Variants in PRDM1 observed in about 807,000 individuals in gnomAD.
PRDM1 encodes PR domain zinc finger protein 1.
PRDM1 carries 13 observed loss-of-function variants against 62.8 expected under a neutral mutation model. The ratio of observed to expected loss-of-function variants is 0.21; its 90% CI spans 0.13 to 0.33. The LOEUF (loss-of-function observed/expected upper bound fraction) is 0.33, where lower values mean the gene tolerates loss of function less well. PRDM1 is among the 10% of genes least tolerant of loss of function. PRDM1 has a pLI of 1.00. For missense variants in PRDM1, 895 were observed against 1,058.8 expected (o/e 0.85, Z 2.15); for synonymous variants, 396 against 417.6 (o/e 0.95, Z 0.63).
chr6:106,105,090 G>C lies in PRDM1; in HGVS notation c.930G>C (p.Leu310Phe). 6.2e-7 allele frequency: 1 copy of C among 1,614,054 alleles called. No homozygotes were observed. The change falls in exon 5 of 7, where the codon TTG (leucine) becomes TTC (phenylalanine). Residue 310 changes from leucine to phenylalanine, a missense_variant. Transcript: ENST00000369096. ...GGGCCCCTCTGCCAGAAGACTTTTTGAAAGCTTCCCTGGCCTACGGGATCG... is the reference window on the plus strand; with the variant it reads ...GGGCCCCTCTGCCAGAAGACTTTTTCAAAGCTTCCCTGGCCTACGGGATCG... ...PIRAPLPEDF[L>F]KASLAYGIER...
At chr6:105,998,318 G>A (rs1008434921) in intron 1 of PRDM1, among the ~76,000 whole-genome samples, 2 of 152,162 alleles carry the variant, frequency 1.3e-5, no homozygotes, top group Non-Finnish European at 2.9e-5. Context: ...TTGGGAGGCT[G>A]AAGCAGGAGG....
chr6:106,094,909 AC>A (rs1774053751), intron 2 of PRDM1, among the ~76,000 whole-genome samples: 1 of 48,918 alleles, frequency 2.0e-5, no homozygotes, highest in Non-Finnish European at 7.4e-5. Flanking sequence ...TCTTTAAAAC[AC>A]ACACACACAC....
chr6:106,041,741 T>C (rs984428874), intron 1 of PRDM1, among the ~76,000 whole-genome samples: 4 of 151,804 alleles, frequency 2.6e-5, no homozygotes, highest in Admixed American at 2.0e-4. Flanking sequence ...CATCCATAAT[T>C]CCTCCACTTA....
At chr6:106,088,057 G>T in intron 1 of PRDM1, 144 bp from the exon 2 acceptor site, 1 of 855,918 alleles carries the variant, frequency 1.2e-6, no homozygotes, top group Non-Finnish European at 1.6e-6. Flanking sequence ...ACTTTATACG[G>T]CTTCTTGGCT....
intron 2 of PRDM1, 60 bp downstream of exon 2, chr6:106,088,509 C>A: frequency 6.3e-7 from 1 of 1,593,794 alleles, no homozygotes; most frequent in Non-Finnish European, 8.6e-7. Context: ...TCCCTACTTG[C>A]CCTTGAGGCC....
intron 3 of PRDM1, chr6:106,099,087 TG>T: frequency 6.2e-7 from 1 of 1,614,166 alleles, no homozygotes; most frequent in Non-Finnish European, 8.5e-7. Context: ...AAAACTGAAA[TG>T]GAAAAGGTAA....
chr6:106,102,723 C>A (rs1383216448), intron 4 of PRDM1, among the ~76,000 whole-genome samples: 1 of 152,066 alleles, frequency 6.6e-6, no homozygotes, highest in Non-Finnish European at 1.5e-5. Flanking sequence ...AATTATAGAA[C>A]CAAGGGAGTG....
At chr6:106,014,260 G>C (rs1360107840) in intron 1 of PRDM1, among the ~76,000 whole-genome samples, 1 of 151,386 alleles carries the variant, frequency 6.6e-6, no homozygotes, top group Non-Finnish European at 1.5e-5. Context: ...GGGTCTCCCT[G>C]TGTTGCCCAG....
rs1045304183 is a variant in PRDM1, at chr6:106,108,469, G to A, written c.*983G>A. On this transcript the variant is annotated 3_prime_UTR_variant, in exon 7 of 7. Coordinates refer to ENST00000369096, the MANE Select transcript of PRDM1 (RefSeq NM_001198.4). ...CCAAAGCATAGGTGGCTTTGTGTGT[G>A]TGCGATTTGGGGGCTTGAGTCTGGG... The A allele has an allele frequency of 3.9e-5, 9 of 229,080 alleles. No homozygotes were observed. Among genetic ancestry groups the A allele is most frequent in the African/African-American group, 1.4e-4 (6 of 43,890 alleles). 14.2% of individuals were successfully genotyped at this position (229,080 alleles called of 1,614,324 possible).
chr6:106,108,319 C>G lies in PRDM1; in HGVS notation c.*833C>G, dbSNP rs935944428. ...CCAAAAGAGCAGAATCCTCCCACCG[C>G]CCTGCCCTCCCCACCGAGTCCTGTG... On this transcript the variant is annotated 3_prime_UTR_variant, in exon 7 of 7. Transcript: ENST00000369096. The G allele has an allele frequency of 1.3e-5, 3 of 233,516 alleles. No individual in the cohort carries two copies. The highest frequency in any genetic ancestry group is 6.6e-5 in the African/African-American group (3 of 45,286). 14.5% of individuals were successfully genotyped at this position (233,516 alleles called of 1,614,324 possible).
At chr6:106,080,981 C>T (rs1773685379) in intron 1 of PRDM1, among the ~76,000 whole-genome samples, 1 of 152,206 alleles carries the variant, frequency 6.6e-6, no homozygotes, top group Non-Finnish European at 1.5e-5. Context: ...ACAGATAAGC[C>T]AGGGCTGATG....
At chr6:106,085,016 A>G (rs1257973810), upstream of PRDM1, among the ~76,000 whole-genome samples, 1 of 152,204 alleles carries the variant, frequency 6.6e-6, no homozygotes, top group Non-Finnish European at 1.5e-5. Context: ...AAAAAATTCT[A>G]GAAAAGTTTT....
chr6:106,078,186 A>C (rs1773633287), intron 1 of PRDM1: 1 of 152,128 alleles, frequency 6.6e-6, no homozygotes. Context: ...GTAAATTTGT[A>C]TTTCTAGTCC....
chr6:106,105,086 T>C lies in PRDM1; in HGVS notation c.926T>C (p.Phe309Ser), dbSNP rs1774416463. Reference sequence around the variant, plus strand: ...ATCCGGGCCCCTCTGCCAGAAGACTTTTTGAAAGCTTCCCTGGCCTACGGG... The same window carrying C: ...ATCCGGGCCCCTCTGCCAGAAGACTCTTTGAAAGCTTCCCTGGCCTACGGG... The part of the protein sequence containing the change: ...YPIRAPLPED[F>S]LKASLAYGIE... Residue 309 changes from phenylalanine (F) to serine (S), a missense_variant, in exon 5 of 7, where the codon TTT becomes TCT. Around this residue, in one of 4 missense-constraint regions of PRDM1, gnomAD observed 444 missense variants for 422.7 expected, o/e 1.05. Coordinates refer to ENST00000369096, the MANE Select transcript of PRDM1 (RefSeq NM_001198.4). 1.2e-6 allele frequency: 2 copies of C among 1,614,062 alleles called. No homozygotes were observed. The highest frequency in any genetic ancestry group is 1.7e-5 in the Admixed American group (1 of 60,012).
intron 1 of PRDM1, among the ~76,000 whole-genome samples, chr6:106,014,627 T>C (rs887503347): frequency 1.3e-5 from 2 of 150,906 alleles, no homozygotes; most frequent in African/African-American, 4.8e-5. Flanking sequence ...AATAAAACGA[T>C]GATAGATAAT....
intron 1 of PRDM1, among the ~76,000 whole-genome samples, chr6:106,019,446 T>C (rs1393695678): frequency 6.8e-6 from 1 of 147,522 alleles, no homozygotes; most frequent in Non-Finnish European, 1.5e-5. Flanking sequence ...TCCCTATAAT[T>C]AAAAAAAAAA....
At chr6:106,040,523 A>G (rs1293825860) in intron 1 of PRDM1, among the ~76,000 whole-genome samples, 7 of 152,238 alleles carry the variant, frequency 4.6e-5, no homozygotes, top group Non-Finnish European at 1.0e-4. Flanking sequence ...TCAGTGATTA[A>G]GAATCCTGGC....
chr6:106,100,860 T>C (rs944218033), intron 4 of PRDM1, among the ~76,000 whole-genome samples: 2 of 152,102 alleles, frequency 1.3e-5, no homozygotes, highest in Non-Finnish European at 2.9e-5. Flanking sequence ...GGCTCTCAGT[T>C]CCCCAGTTCC....
chr6:106,080,183 G>C (rs149298554), intron 1 of PRDM1, among the ~76,000 whole-genome samples: 4 of 152,308 alleles, frequency 2.6e-5, no homozygotes, highest in African/African-American at 7.2e-5. Context: ...AGCTACAAAT[G>C]AATCAGTGAG....
Sources: gnomAD v4.1 joint callset for allele counts (sites outside exome capture counted in the v4.1 genomes callset) on GRCh38, gnomAD v4.1.1 for gene constraint, gnomAD v4.1.1 regional missense constraint, MANE v1.5 for transcripts, NCBI Gene and HGNC (gene_info 2026-07-23, HGNC 2026-07-21) for gene names.